Variants in DAB1 observed in about 807,000 individuals in gnomAD.
DAB1 encodes the protein DAB adaptor protein 1, also known as disabled homolog 1.
In DAB1, 15 loss-of-function variants were observed where a neutral mutation model predicts 64.6. The observed-to-expected ratio is 0.23, with a 90% CI of 0.16 to 0.36. DAB1 has a LOEUF of 0.36. Ranked by LOEUF, DAB1 falls within the 10% of genes least tolerant of loss-of-function variation. DAB1 has a pLI of 1.00. For missense variants in DAB1, 596 were observed against 706.7 expected (o/e 0.84, Z 1.78); for synonymous variants, 235 against 251.9 (o/e 0.93, Z 0.64).
chr1:57,328,738 G>A (rs1676394354), intron 1 of DAB1, among the ~76,000 whole-genome samples: 1 of 152,174 alleles, frequency 6.6e-6, no homozygotes, highest in Non-Finnish European at 1.5e-5. Flanking sequence ...TTGCACAGCT[G>A]ATAGCCAAGA....
chr1:58,384,312 T>C (rs1352018568), intron 3 of DAB1, among the ~76,000 whole-genome samples: 1 of 152,200 alleles, frequency 6.6e-6, no homozygotes, highest in Non-Finnish European at 1.5e-5. Flanking sequence ...TGCAAATTTC[T>C]CTTATGAAAG....
intron 7 of DAB1, among the ~76,000 whole-genome samples, chr1:57,642,963 A>G (rs1232017826): frequency 1.3e-5 from 2 of 152,294 alleles, no homozygotes; most frequent in Middle Eastern, 3.4e-3. Flanking sequence ...GGACTACGGC[A>G]CTTGTTTGAT....
chr1:57,070,547 G>T (rs1433899872), intron 7 of DAB1, among the ~76,000 whole-genome samples: 1 of 152,124 alleles, frequency 6.6e-6, no homozygotes, highest in Non-Finnish European at 1.5e-5. Flanking sequence ...GTAATTGGAG[G>T]GTCAGCTTGC....
At chr1:58,405,432 C>G (rs115695219) in intron 3 of DAB1, among the ~76,000 whole-genome samples, 3,042 of 151,860 alleles carry the variant, frequency 0.02, 103 homozygotes, top group African/African-American at 0.07. Flanking sequence ...GTGATGTGAT[C>G]TTGGCTCACT....
chr1:57,368,933 T>C lies in DAB1; in HGVS notation c.-137+54997A>G, dbSNP rs184051246. Among the ~76,000 whole-genome samples, 13 of 152,176 alleles carry C rather than the reference T, an allele frequency of 8.5e-5. No individual in the cohort carries two copies. The East Asian group carries it at 1.9e-3, about 23-fold the overall frequency. ...CCTCCCAGACCTATCAAAACACATA[T>C]ACTAGAAACACTAAGAAAAAGGTCA... On this transcript the variant is annotated intron_variant, in intron 1 of 14. Transcript: ENST00000371236.
chr1:58,174,222 C>A (rs939759413), intron 4 of DAB1, among the ~76,000 whole-genome samples: 1 of 152,208 alleles, frequency 6.6e-6, no homozygotes, highest in African/African-American at 2.4e-5. Context: ...TGAAATCAGA[C>A]AACACCTTTC....
intron 3 of DAB1, among the ~76,000 whole-genome samples, chr1:58,414,230 G>T (rs1475707305): frequency 2.0e-5 from 3 of 151,464 alleles, no homozygotes; most frequent in Non-Finnish European, 2.9e-5. Flanking sequence ...CCACTCAATG[G>T]CCCAGTCCCC....
intron 5 of DAB1, among the ~76,000 whole-genome samples, chr1:58,131,948 G>A (rs2100697018): frequency 6.6e-6 from 1 of 151,766 alleles, no homozygotes; most frequent in Non-Finnish European, 1.5e-5. Context: ...GGTGCCTACA[G>A]AGGCAGGCAG....
chr1:58,360,394 C>T (rs1429722748), intron 3 of DAB1, among the ~76,000 whole-genome samples: 1 of 152,154 alleles, frequency 6.6e-6, no homozygotes, highest in Non-Finnish European at 1.5e-5. Flanking sequence ...GATGTGAAGG[C>T]ATTCTGAAAG....
At chr1:57,148,055 C>T (rs1569589096) in intron 2 of DAB1, among the ~76,000 whole-genome samples, 2 of 152,092 alleles carry the variant, frequency 1.3e-5, no homozygotes, top group Non-Finnish European at 2.9e-5. Flanking sequence ...TCACCTGGCC[C>T]AAATGTGATG....
At chr1:58,219,943 A>C (rs770384979) in intron 4 of DAB1, among the ~76,000 whole-genome samples, 1 of 152,230 alleles carries the variant, frequency 6.6e-6, no homozygotes, top group Non-Finnish European at 1.5e-5. Flanking sequence ...CAGCCAATAC[A>C]TTTTTGTTGA....
At chr1:57,695,412 G>A (rs1333048078) in intron 6 of DAB1, among the ~76,000 whole-genome samples, 11 of 116,434 alleles carry the variant, frequency 9.4e-5, no homozygotes, top group Non-Finnish European at 1.9e-4. Context: ...AAGAAAGAAA[G>A]AAAGAAAGAA....
chr1:58,200,696 C>A (rs922311048), intron 4 of DAB1, among the ~76,000 whole-genome samples: 8 of 152,124 alleles, frequency 5.3e-5, no homozygotes, highest in African/African-American at 1.9e-4. Context: ...ATTTTTTTTA[C>A]ATTGTTTTTG....
At chr1:57,561,647 C>G (rs749145333) in intron 7 of DAB1, among the ~76,000 whole-genome samples, 1 of 152,234 alleles carries the variant, frequency 6.6e-6, no homozygotes, top group Non-Finnish European at 1.5e-5. Flanking sequence ...ACCACTCAGC[C>G]TCTTTCCCCA....
At chr1:57,927,297 G>C (rs1644893039) in intron 5 of DAB1, among the ~76,000 whole-genome samples, 1 of 152,166 alleles carries the variant, frequency 6.6e-6, no homozygotes, top group African/African-American at 2.4e-5. Flanking sequence ...GCCCCCTTGA[G>C]TGATAGCTTC....
intron 1 of DAB1, among the ~76,000 whole-genome samples, chr1:57,348,458 C>T (rs1291896129): frequency 1.3e-5 from 2 of 152,110 alleles, no homozygotes; most frequent in African/African-American, 4.8e-5. Context: ...AAAGCAAAAA[C>T]TGGTATTTAG....
intron 2 of DAB1, among the ~76,000 whole-genome samples, chr1:57,227,525 G>GTA (rs1667363279): frequency 7.9e-6 from 1 of 126,484 alleles, no homozygotes; most frequent in African/African-American, 4.6e-5. Context: ...TCTTTTGTGT[G>GTA]TGTGTGTGTG....
chr1:58,397,044 G>A lies in DAB1; in HGVS notation n.258-53641C>T, dbSNP rs190245500. Among the ~76,000 whole-genome samples, 540 of 149,860 alleles carry A rather than the reference G, an allele frequency of 3.6e-3. 6 individuals are homozygous for A. Among genetic ancestry groups the A allele is most frequent in the African/African-American group, 0.013 (512 of 40,466 alleles). On this transcript the variant is annotated intron_variant and non_coding_transcript_variant, in intron 3 of 20. Coordinates refer to the DAB1 transcript ENST00000485760. ...CGCACTACTGCACTCTAGCCTGGGC[G>A]ACGGAGCGAGACTCCGTCTCAAAAA...
At chr1:57,857,191 T>TGAGAGA (rs1390096951) in intron 1 of DAB1, among the ~76,000 whole-genome samples, 1 of 152,028 alleles carries the variant, frequency 6.6e-6, no homozygotes, top group Non-Finnish European at 1.5e-5. Context: ...TGAAATAATG[T>TGAGAGA]GAGAGAAACA....
Sources: gnomAD v4.1 joint callset for allele counts (sites outside exome capture counted in the v4.1 genomes callset) on GRCh38, gnomAD v4.1.1 for gene constraint, MANE v1.5 for transcripts, NCBI Gene and HGNC (gene_info 2026-07-23, HGNC 2026-07-21) for gene names.